The following LRRFIP1 variants were observed in gnomAD, a reference collection of about 807,000 sequenced individuals.
LRRFIP1 encodes LRR binding FLII interacting protein 1, also known as leucine-rich repeat flightless-interacting protein 1.
A neutral mutation model predicts 104.4 loss-of-function variants in LRRFIP1; 62 were observed. That is an observed-to-expected ratio of 0.59 (90% CI 0.48 to 0.73). The LOEUF is 0.73. Among genes scored for constraint, LRRFIP1 ranks in the 30% least tolerant of loss-of-function variants. The probability of loss-of-function intolerance (pLI) is 0.00; values close to 1 mark genes in which losing one functional copy is unlikely to be tolerated. For missense variants in LRRFIP1, 796 were observed against 824.5 expected (o/e 0.97, Z 0.42); for synonymous variants, 300 against 299.0 (o/e 1.00, Z -0.03).
Position 237,756,197 on chromosome 2 carries a change from A to G in LRRFIP1, c.1131+10A>G, listed in dbSNP as rs1186880318. ...AGAGGAAATGCTCGAGGTAGGTAGC[A>G]TTCTCCTGCTTTTCTTTTCCTTTTT... On this transcript the variant is annotated intron_variant, in intron 16 of 23. Coordinates refer to ENST00000308482, the MANE Select transcript of LRRFIP1 (RefSeq NM_001137550.2). 6.2e-7 allele frequency: 1 copy of G among 1,604,610 alleles called. No homozygotes were observed. The highest frequency in any genetic ancestry group is 1.1e-5 in the South Asian group (1 of 90,536).
Position 237,756,203 on chromosome 2 carries a change from C to T in LRRFIP1, c.1131+16C>T, listed in dbSNP as rs371103279. The T allele has an allele frequency of 5.0e-6, 8 of 1,596,924 alleles. No individual in the cohort carries two copies. In the African/African-American group the frequency reaches 6.7e-5, roughly 13 times the overall value. On this transcript the variant is annotated intron_variant, in intron 16 of 23. Transcript: ENST00000308482. Reference sequence around the variant, plus strand: ...AATGCTCGAGGTAGGTAGCATTCTCCTGCTTTTCTTTTCCTTTTTTCCCTT... The same window carrying T: ...AATGCTCGAGGTAGGTAGCATTCTCTTGCTTTTCTTTTCCTTTTTTCCCTT...
chr2:237,753,582 G>T, intron 15 of LRRFIP1, 103 bp downstream of exon 15: 1 of 985,554 alleles, frequency 1.0e-6, no homozygotes, highest in African/African-American at 1.7e-5. Context: ...GATTACTTGA[G>T]CCCAAGAGTT....
chr2:237,721,195 C>G (rs1363605941), intron 6 of LRRFIP1: 1 of 183,440 alleles, frequency 5.5e-6, no homozygotes, highest in Non-Finnish European at 1.2e-5. Context: ...ACCCATGCTC[C>G]TGGTAAAATC....
At position 237,691,626 on chromosome 2, in the gene LRRFIP1, G is replaced by A. The variant is rs1025395098; in HGVS notation, c.97-16918G>A. Among the ~76,000 whole-genome samples the A allele has an allele frequency of 3.9e-5, 6 of 152,160 alleles. No homozygotes were observed. The highest frequency in any genetic ancestry group is 2.6e-4 in the Admixed American group (4 of 15,294). Reference sequence around the variant, plus strand: ...TTCCGCGTCCAGGAAGCTCAGCGTGGCCTGAGGGTGATGGATGTGGGGGAG... The same window carrying A: ...TTCCGCGTCCAGGAAGCTCAGCGTGACCTGAGGGTGATGGATGTGGGGGAG... On this transcript the variant is annotated intron_variant, in intron 1 of 23. Transcript: ENST00000308482. The surrounding 1 kb of genome is among the most constrained non-coding windows in gnomAD (Gnocchi z 5.4).
At chr2:237,778,081 TCA>T (rs1168405122) in intron 23 of LRRFIP1, among the ~76,000 whole-genome samples, 1 of 152,226 alleles carries the variant, frequency 6.6e-6, no homozygotes, top group Non-Finnish European at 1.5e-5. Context: ...TGAAACATGC[TCA>T]GTCTTTGGGG....
intron 2 of LRRFIP1, among the ~76,000 whole-genome samples, chr2:237,712,731 G>A (rs1224637514): frequency 6.6e-6 from 1 of 152,204 alleles, no homozygotes; most frequent in Admixed American, 6.5e-5. Context: ...AGCTAGTGGG[G>A]TCTGAGCTTG....
chr2:237,758,522 T>A (rs1347046565), intron 17 of LRRFIP1, among the ~76,000 whole-genome samples: 1 of 152,144 alleles, frequency 6.6e-6, no homozygotes, highest in Non-Finnish European at 1.5e-5. Flanking sequence ...TTTCATGGAG[T>A]ATGAACAGTA....
intron 1 of LRRFIP1, chr2:237,692,263 C>T (rs1445966409): frequency 6.1e-6 from 7 of 1,154,462 alleles, no homozygotes; most frequent in Non-Finnish European, 6.4e-6. Flanking sequence ...CCCTGTCGGC[C>T]GCGCCCGAGC....
intron 1 of LRRFIP1, among the ~76,000 whole-genome samples, chr2:237,640,872 C>A (rs1559450444): frequency 6.6e-6 from 1 of 152,186 alleles, no homozygotes. Context: ...CCCCTTCCAA[C>A]CCCTGGCCTC....
chr2:237,636,231 TA>T (rs2083086119), intron 1 of LRRFIP1, among the ~76,000 whole-genome samples: 1 of 151,938 alleles, frequency 6.6e-6, no homozygotes, highest in Admixed American at 6.6e-5. Context: ...ACTTGTATCC[TA>T]AAATTCTGGG....
At chr2:237,769,488 G>C (rs768463731) in intron 19 of LRRFIP1, 3 of 161,852 alleles carry the variant, frequency 1.9e-5, no homozygotes, top group Non-Finnish European at 4.1e-5. Context: ...CACTGACATC[G>C]ATGAGTCTAT....
chr2:237,723,757 G>A (rs553715477), intron 7 of LRRFIP1, among the ~76,000 whole-genome samples, 171 bp downstream of exon 7: 23 of 152,320 alleles, frequency 1.5e-4, no homozygotes, highest in Admixed American at 1.2e-3. Flanking sequence ...TTCCTCCTGG[G>A]GCCTCCAGGG....
chr2:237,747,754 T>G (rs577511454), intron 11 of LRRFIP1, among the ~76,000 whole-genome samples: 7 of 152,248 alleles, frequency 4.6e-5, no homozygotes, highest in African/African-American at 1.4e-4. Context: ...AAAACATGAT[T>G]AGTTGACAGC....
At position 237,717,884 on chromosome 2, in the gene LRRFIP1, T is replaced by C. The variant is rs576156062; in HGVS notation, c.249+75T>C. On this transcript the variant is annotated intron_variant, in intron 4 of 23. Transcript: ENST00000308482. This position sits in a 1 kb window ranked among gnomAD's most constrained non-coding sequence, Gnocchi z 4.2. ...ACAGTGTTGAGACTTAAATGGTTTA[T>C]AATGTAATTCTTACGCAGTTTAACT... The C allele has an allele frequency of 1.3e-5, 14 of 1,116,582 alleles. No homozygotes were observed. The East Asian group carries it at 3.3e-4, about 26-fold the overall frequency. 69.2% of individuals were successfully genotyped at this position (1,116,582 alleles called of 1,614,324 possible). A position where few individuals can be genotyped will look rare whatever the true frequency, so the allele number is the denominator to read the frequency against.
intron 18 of LRRFIP1, among the ~76,000 whole-genome samples, chr2:237,759,502 A>G (rs2059641614): frequency 6.6e-6 from 1 of 152,176 alleles, no homozygotes; most frequent in African/African-American, 2.4e-5. Flanking sequence ...CACAAGGGAG[A>G]GAGAGCCACA....
intron 15 of LRRFIP1, among the ~76,000 whole-genome samples, chr2:237,754,410 CAT>C (rs1375248076): frequency 6.6e-6 from 1 of 152,114 alleles, no homozygotes; most frequent in Non-Finnish European, 1.5e-5. Flanking sequence ...AAGCATGAGT[CAT>C]GTGTTAAGAT....
At chr2:237,648,460 G>A (rs1305471515) in intron 1 of LRRFIP1, among the ~76,000 whole-genome samples, 1 of 151,734 alleles carries the variant, frequency 6.6e-6, no homozygotes, top group Non-Finnish European at 1.5e-5. Context: ...GGTGCCGTTG[G>A]CTCCTGCTTG....
chr2:237,775,310 A>G (rs986870529), intron 23 of LRRFIP1, among the ~76,000 whole-genome samples: 1 of 152,214 alleles, frequency 6.6e-6, no homozygotes, highest in Admixed American at 6.5e-5. Context: ...AAGGATCAGC[A>G]CGTGCAGGGG....
intron 4 of LRRFIP1, 72 bp from the exon 5 acceptor site, chr2:237,719,451 C>A: frequency 9.4e-7 from 1 of 1,061,112 alleles, no homozygotes; most frequent in South Asian, 1.3e-5. Flanking sequence ...GTGGGACTAC[C>A]TAAGCTTTTT....
Sources: gnomAD v4.1 joint callset for allele counts (sites outside exome capture counted in the v4.1 genomes callset) on GRCh38, gnomAD v4.1.1 for gene constraint, Gnocchi (gnomAD v3.1) non-coding constraint, MANE v1.5 for transcripts, NCBI Gene and HGNC (gene_info 2026-07-23, HGNC 2026-07-21) for gene names.